RAB3IL1: variants seen among roughly 807,000 people sequenced by gnomAD.
RAB3IL1 encodes the protein RAB3A interacting protein like 1, also known as guanine nucleotide exchange factor for Rab-3A.
RAB3IL1 carries 37 observed loss-of-function variants against 49.2 expected under a neutral mutation model. That is an observed-to-expected ratio of 0.75 (90% CI 0.58 to 0.99). The LOEUF (loss-of-function observed/expected upper bound fraction) is 0.99. RAB3IL1 is among the 50% of genes least tolerant of loss of function. RAB3IL1 has a pLI of 0.00. For missense variants in RAB3IL1, 484 were observed against 513.0 expected (o/e 0.94, Z 0.55); for synonymous variants, 193 against 213.9 (o/e 0.90, Z 0.85).
At chr11:61,927,277 A>G in the RAB3IL1 span, among the ~76,000 whole-genome samples, 3 of 152,070 alleles carry the variant, frequency 2.0e-5, no homozygotes. Flanking sequence ...TATCAGAAGG[A>G]GATGCTGGTG....
the RAB3IL1 span, among the ~76,000 whole-genome samples, chr11:61,934,237 G>GT: frequency 8.0e-5 from 12 of 150,536 alleles, no homozygotes; most frequent in East Asian, 2.4e-3. Context: ...TCAAACTCCT[G>GT]GGCTCAAGTG....
intron 2 of RAB3IL1, 53 bp from the exon 3 acceptor site, chr11:61,907,713 C>G: frequency 6.5e-7 from 1 of 1,537,278 alleles, no homozygotes; most frequent in African/African-American, 1.4e-5. Flanking sequence ...AGGCCTGGCA[C>G]GGGAGGGACC....
upstream of RAB3IL1, among the ~76,000 whole-genome samples, chr11:61,919,561 A>G (rs2524289): frequency 0.38 from 58,381 of 152,130 alleles, 12,309 homozygotes; most frequent in Middle Eastern, 0.56. Context: ...AAGACCACCC[A>G]GAAACTAGAG....
At chr11:61,905,591 GAC>G (rs1321962778) in intron 5 of RAB3IL1, among the ~76,000 whole-genome samples, 1 of 152,170 alleles carries the variant, frequency 6.6e-6, no homozygotes, top group Non-Finnish European at 1.5e-5. Context: ...GGTGCACAGA[GAC>G]AGAACAGGAG....
intron 1 of RAB3IL1, among the ~76,000 whole-genome samples, chr11:61,909,217 G>T (rs571671579): frequency 1.3e-5 from 2 of 152,274 alleles, no homozygotes; most frequent in African/African-American, 4.8e-5. Flanking sequence ...GCGGGCCACT[G>T]ATATCAGTGA....
the RAB3IL1 span, among the ~76,000 whole-genome samples, chr11:61,935,284 G>T: frequency 6.6e-6 from 1 of 151,810 alleles, no homozygotes; most frequent in Non-Finnish European, 1.5e-5. Flanking sequence ...GCTGGGTGTG[G>T]TGGCACGCAC....
At position 61,907,623 on chromosome 11, in the gene RAB3IL1, G is replaced by A; in HGVS notation, c.302C>T (p.Ser101Phe). The stretch of plus-strand genomic sequence containing the variant: ...CTGTTCTAGCTGCTCCCGCACCTTG[G>A]ACAGCCGCTCACATTCCTCGTCCTT... The part of the protein sequence containing the change: ...KLKDEECERL[S>F]KVREQLEQEL... The change falls in exon 3 of 10, where the codon TCC becomes TTC. Residue 101 changes from serine (S) to phenylalanine (F), a missense_variant. Coordinates refer to ENST00000394836, the MANE Select transcript of RAB3IL1 (RefSeq NM_013401.4). 1 of 1,614,050 alleles carries A rather than the reference G, an allele frequency of 6.2e-7. No individual in the cohort carries two copies. Among genetic ancestry groups the A allele is most frequent in the Non-Finnish European group, 8.5e-7 (1 of 1,180,016 alleles).
intron 2 of RAB3IL1, 31 bp downstream of exon 2, chr11:61,908,023 G>A (rs778648968): frequency 3.8e-6 from 6 of 1,578,498 alleles, no homozygotes; most frequent in Non-Finnish European, 4.3e-6. Context: ...TCTCCCCACC[G>A]AAGACCCCCC....
At position 61,907,428 on chromosome 11, in the gene RAB3IL1, C is replaced by G. The variant is rs1024255284; in HGVS notation, c.403G>C (p.Ala135Pro). Residue 135 changes from alanine to proline, a missense_variant, in exon 4 of 10, where the codon GCA becomes CCA. By Grantham distance (27) the Ala-to-Pro change is conservative (BLOSUM62 -1). Transcript: ENST00000394836. ...GCCTCCTTCAGCTGCTTTTCTGATG[C>G]CGCCTGCTTCATGTTGGCTTCTCGA... Reference protein sequence around the residue: ...MVREANMKQAASEKQLKEARG... With the variant: ...MVREANMKQAPSEKQLKEARG... 1 of 1,614,054 alleles carries G rather than the reference C, an allele frequency of 6.2e-7. No individual in the cohort carries two copies. Among genetic ancestry groups the G allele is most frequent in the South Asian group, 1.1e-5 (1 of 91,082 alleles).
At chr11:61,903,083 C>T (rs1234855154) in intron 7 of RAB3IL1, among the ~76,000 whole-genome samples, 2 of 152,096 alleles carry the variant, frequency 1.3e-5, no homozygotes, top group Admixed American at 1.3e-4. Flanking sequence ...TGACGTCGCT[C>T]AGCATCTTCA....
In RAB3IL1 at chr11:61,898,559, G is replaced by A. The variant is rs1039084400; in HGVS notation, c.1067-199C>T. Reference sequence around the variant, plus strand: ...TGAGCCTTGGAAACTGCTGAGTGCCGACCACACCCGAGGGATCTGTTTGCA... The same window carrying A: ...TGAGCCTTGGAAACTGCTGAGTGCCAACCACACCCGAGGGATCTGTTTGCA... On this transcript the variant is annotated intron_variant, in intron 9 of 9. Coordinates refer to ENST00000394836, the MANE Select transcript of RAB3IL1 (RefSeq NM_013401.4). The surrounding 1 kb of genome is among the most constrained non-coding windows in gnomAD (Gnocchi z 5.1). Among the ~76,000 whole-genome samples, 1 of 152,152 alleles carries A rather than the reference G, an allele frequency of 6.6e-6. No homozygotes were observed.
chr11:61,938,255 A>C, the RAB3IL1 span, among the ~76,000 whole-genome samples: 7 of 152,046 alleles, frequency 4.6e-5, no homozygotes, highest in Non-Finnish European at 1.0e-4. Flanking sequence ...AAACAAAAAA[A>C]CCTGGTATGG....
At chr11:61,945,702 C>A in the RAB3IL1 span, 1 of 938,488 alleles carries the variant, frequency 1.1e-6, no homozygotes, top group East Asian at 1.2e-4. Context: ...CGCTACCCAC[C>A]TGCCACGAGC....
intron 1 of RAB3IL1, among the ~76,000 whole-genome samples, chr11:61,916,312 C>T (rs113920044): frequency 2.0e-4 from 31 of 151,898 alleles, no homozygotes; most frequent in African/African-American, 7.5e-4. Context: ...CGCCACTGCA[C>T]TCCAGCCTGG....
chr11:61,915,616 G>C (rs1939644224), intron 1 of RAB3IL1, among the ~76,000 whole-genome samples: 1 of 152,078 alleles, frequency 6.6e-6, no homozygotes, highest in Non-Finnish European at 1.5e-5. Flanking sequence ...ATTCACCCCG[G>C]GCAGGACTGC....
rs1938696411 is a variant in RAB3IL1, at chr11:61,897,898, G to C, written c.*380C>G. 4.6e-6 allele frequency: 1 copy of C among 218,802 alleles called. No homozygotes were observed. The highest frequency in any genetic ancestry group is 6.5e-5 in the South Asian group (1 of 15,412). The allele number at this position is 218,802 out of a possible 1,614,324, so 13.6% of individuals were successfully genotyped here. A position where few individuals can be genotyped will look rare whatever the true frequency, so the allele number is the denominator to read the frequency against. On this transcript the variant is annotated 3_prime_UTR_variant, in exon 10 of 10. Transcript: ENST00000394836. ...CCACCCAGAACAGTCCCTTTCTGAA[G>C]ACAAGCCAGCAACAAGGCACCTGCA...
chr11:61,942,973 C>G, the RAB3IL1 span, among the ~76,000 whole-genome samples: 1 of 152,204 alleles, frequency 6.6e-6, no homozygotes, highest in Non-Finnish European at 1.5e-5. Context: ...CATCAAAATT[C>G]CAACTGCGTT....
chr11:61,901,398 C>T (rs1240694921), intron 8 of RAB3IL1, among the ~76,000 whole-genome samples: 3 of 152,204 alleles, frequency 2.0e-5, no homozygotes, highest in African/African-American at 4.8e-5. Flanking sequence ...TTGGCACTCA[C>T]GGCCGACTTA....
the RAB3IL1 span, among the ~76,000 whole-genome samples, chr11:61,936,058 C>A: frequency 6.6e-6 from 1 of 151,588 alleles, no homozygotes; most frequent in Non-Finnish European, 1.5e-5. Context: ...TAGATTAGAG[C>A]AGGCAAAAGA....
Sources: allele counts gnomAD v4.1 joint callset (sites outside exome capture counted in the v4.1 genomes callset), GRCh38; gene constraint gnomAD v4.1.1; non-coding constraint Gnocchi (gnomAD v3.1); transcripts MANE v1.5; gene names NCBI Gene and HGNC (gene_info 2026-07-23, HGNC 2026-07-21).